The following LRP5 variants were observed in gnomAD, a reference collection of about 807,000 sequenced individuals.
The protein encoded by LRP5 is LDL receptor related protein 5.
LRP5 carries 62 observed loss-of-function variants against 154.1 expected under a neutral mutation model. The observed-to-expected ratio is 0.40, with a 90% CI of 0.33 to 0.50. LRP5 has a LOEUF of 0.50. Among genes scored for constraint, LRP5 ranks in the 20% least tolerant of loss-of-function variants. LRP5 has a pLI of 0.55. For synonymous variants in LRP5, 966 were observed against 1,011.5 expected, an observed-to-expected ratio of 0.96 and a Z score of 0.85; for missense variants, 1,915 against 2,336.7, an observed-to-expected ratio of 0.82 and a Z score of 3.72.
At position 68,425,329 on chromosome 11, in the gene LRP5, C is replaced by T. The variant is rs2306863; in HGVS notation, c.3427+37C>T. On this transcript the variant is annotated intron_variant, in intron 15 of 22. Coordinates refer to ENST00000294304, the MANE Select transcript of LRP5 (RefSeq NM_002335.4). Reference sequence around the variant, plus strand: ...GGGGCCTGCCCTAACCGCAGACACCCGGCCTTCATTGTCAGTAATGGCAGC... The same window carrying T: ...GGGGCCTGCCCTAACCGCAGACACCTGGCCTTCATTGTCAGTAATGGCAGC... 1,020 of 1,578,690 alleles carry T rather than the reference C, an allele frequency of 6.5e-4. 6 individuals are homozygous for T. In the East Asian group the frequency reaches 0.013, roughly 20 times the overall value.
chr11:68,443,778 C>G (rs1381003435), intron 21 of LRP5, among the ~76,000 whole-genome samples: 1 of 150,542 alleles, frequency 6.6e-6, no homozygotes, highest in Admixed American at 6.6e-5. Flanking sequence ...CCTGCCTTAC[C>G]TTCCCGAGTA....
chr11:68,371,178 G>A (rs1232344740), intron 5 of LRP5, among the ~76,000 whole-genome samples: 1 of 152,168 alleles, frequency 6.6e-6, no homozygotes, highest in Non-Finnish European at 1.5e-5. Flanking sequence ...GAGTTGAGAA[G>A]AAACCTAAAC....
chr11:68,327,335 C>T (rs1423683569), intron 1 of LRP5, among the ~76,000 whole-genome samples: 2 of 152,188 alleles, frequency 1.3e-5, no homozygotes, highest in Non-Finnish European at 2.9e-5. Context: ...TGGGAGGCCA[C>T]GGTCATGAGG....
intron 1 of LRP5, among the ~76,000 whole-genome samples, chr11:68,338,688 G>T (rs1480718035): frequency 2.0e-5 from 3 of 152,098 alleles, no homozygotes; most frequent in East Asian, 3.9e-4. Flanking sequence ...CTGAATCCCG[G>T]ATTGAAGAAA....
chr11:68,426,271 G>C (rs941534911), intron 16 of LRP5, 84 bp downstream of exon 16: 1 of 1,215,444 alleles, frequency 8.2e-7, no homozygotes, highest in Non-Finnish European at 1.2e-6. Context: ...GCAAGATCCT[G>C]TGTGGCCTCA....
At chr11:68,394,697 C>T (rs1482303821) in intron 7 of LRP5, among the ~76,000 whole-genome samples, 3 of 152,146 alleles carry the variant, frequency 2.0e-5, no homozygotes, top group African/African-American at 7.2e-5. Flanking sequence ...ATCTCCTGAC[C>T]TCATGATCCG....
chr11:68,404,947 G>C (rs569881221), intron 8 of LRP5, among the ~76,000 whole-genome samples: 2 of 149,182 alleles, frequency 1.3e-5, no homozygotes, highest in African/African-American at 4.9e-5. Context: ...TCCGCAGTCC[G>C]GCCTGGGCGA....
intron 16 of LRP5, among the ~76,000 whole-genome samples, chr11:68,427,042 T>C (rs962346891): frequency 6.6e-6 from 1 of 151,980 alleles, no homozygotes; most frequent in African/African-American, 2.4e-5. Context: ...CTTGAGTCTC[T>C]CTGATTTGCT....
intron 15 of LRP5, 76 bp downstream of exon 15, chr11:68,425,368 T>C: frequency 6.9e-7 from 1 of 1,459,316 alleles, no homozygotes. Context: ...TGCCACATTG[T>C]CCGAGACCTG....
chr11:68,364,687 G>A (rs1295859018), intron 4 of LRP5, among the ~76,000 whole-genome samples: 1 of 152,136 alleles, frequency 6.6e-6, no homozygotes, highest in African/African-American at 2.4e-5. Flanking sequence ...CAGGGACCAG[G>A]GATGGAGATT....
intron 5 of LRP5, among the ~76,000 whole-genome samples, chr11:68,371,037 C>A (rs973745312): frequency 6.6e-6 from 1 of 152,140 alleles, no homozygotes; most frequent in Admixed American, 6.6e-5. Context: ...GGGCCCCACC[C>A]GCTTCCCGTT....
At position 68,386,232 on chromosome 11, in the gene LRP5, T is replaced by G; in HGVS notation, c.1016-84T>G. On this transcript the variant is annotated intron_variant, in intron 5 of 22. Transcript: ENST00000294304. The surrounding 1 kb of genome is among the most constrained non-coding windows in gnomAD (Gnocchi z 7.9). ...GAGCCCTGGGGGCCTGGCTGAGTAT[T>G]TCCCTTGCCCGGCCCACCCCAGGCC... is the stretch of plus-strand genomic sequence containing the variant. The G allele has an allele frequency of 6.4e-7, 1 of 1,559,380 alleles. No individual in the cohort carries two copies.
At position 68,429,096 on chromosome 11, in the gene LRP5, C is replaced by CA. The variant is rs554632583; in HGVS notation, c.3638-469dup. On this transcript the variant is annotated intron_variant, in intron 16 of 22. Coordinates refer to ENST00000294304, the MANE Select transcript of LRP5 (RefSeq NM_002335.4). ...TGGGCGATAGAGCAAGACTCTGTCT[C>CA]AAAAAAAAAAGCCAGGCATGGTGGT... 8.8e-4 allele frequency among the ~76,000 whole-genome samples: 120 copies of CA among 136,638 alleles called. 2 individuals are homozygous for CA. In the South Asian group the frequency reaches 0.024, roughly 27 times the overall value. The allele number at this position is 136,638 out of a possible 152,430, so 89.6% of individuals were successfully genotyped here.
intron 1 of LRP5, among the ~76,000 whole-genome samples, chr11:68,329,952 A>G (rs1223141925): frequency 6.6e-6 from 1 of 152,234 alleles, no homozygotes; most frequent in African/African-American, 2.4e-5. Context: ...CTGGCAGGTC[A>G]AACTGGGACT....
At chr11:68,385,365 C>T (rs958189832) in intron 5 of LRP5, among the ~76,000 whole-genome samples, 26 of 152,178 alleles carry the variant, frequency 1.7e-4, no homozygotes, top group African/African-American at 6.3e-4. Flanking sequence ...GTGGGTGCTT[C>T]GTGGCGTGGT....
chr11:68,426,310 A>C, intron 16 of LRP5, 123 bp downstream of exon 16: 2 of 785,572 alleles, frequency 2.5e-6, no homozygotes, highest in South Asian at 1.8e-5. Context: ...CCAGATGCCA[A>C]CTGTTGCCCG....
At position 68,448,224 on chromosome 11, in the gene LRP5, T is replaced by C. The variant is rs543691023; in HGVS notation, c.4587-585T>C. Among the ~76,000 whole-genome samples, 83 of 152,312 alleles carry C rather than the reference T, an allele frequency of 5.4e-4. 1 individual carries two copies. The highest frequency in any genetic ancestry group is 8.5e-4 in the Admixed American group (13 of 15,298). On this transcript the variant is annotated intron_variant, in intron 22 of 22. Transcript: ENST00000294304. ...AACAGTATGGGGGGAACCACCCCCA[T>C]GATTCAATCATCTCCCACTGGGTCC...
chr11:68,303,301 T>C, the LRP5 span, among the ~76,000 whole-genome samples: 1 of 152,076 alleles, frequency 6.6e-6, no homozygotes. Flanking sequence ...GACAGTGATA[T>C]GGACAAGCCA....
chr11:68,448,836 C>T lies in LRP5; in HGVS notation c.4614C>T (p.Pro1538=), dbSNP rs1421178463. 6.2e-7 allele frequency: 1 copy of T among 1,609,258 alleles called. No individual in the cohort carries two copies. The highest frequency in any genetic ancestry group is 8.5e-7 in the Non-Finnish European group (1 of 1,179,964). Reference sequence around the variant, plus strand: ...CCTACATCATTCGAGGAATGGCGCCCCCGACGACGCCCTGCAGCACCGACG... The same window carrying T: ...CCTACATCATTCGAGGAATGGCGCCTCCGACGACGCCCTGCAGCACCGACG... ...YRPYIIRGMA[P]PTTPCSTDVC... is the part of the protein sequence containing the mutation. The change falls in exon 23 of 23, where the codon CCC becomes CCT. Residue 1538 remains proline, a synonymous_variant. Transcript: ENST00000294304.
Sources: allele counts gnomAD v4.1 joint callset (sites outside exome capture counted in the v4.1 genomes callset), GRCh38; gene constraint gnomAD v4.1.1; non-coding constraint Gnocchi (gnomAD v3.1); transcripts MANE v1.5; gene names NCBI Gene and HGNC (gene_info 2026-07-23, HGNC 2026-07-21).